Variants in MGAT4C observed in about 807,000 individuals in gnomAD.
MGAT4C encodes MGAT4 family member C.
In MGAT4C, 19 loss-of-function variants were observed where a neutral mutation model predicts 40.1. That is an observed-to-expected ratio of 0.47 (90% confidence interval 0.33 to 0.70). The LOEUF (loss-of-function observed/expected upper bound fraction) is 0.70, where lower values mean the gene tolerates loss of function less well. MGAT4C is among the 30% of genes least tolerant of loss of function. The pLI is 0.02. For missense variants in MGAT4C, 491 were observed against 563.2 expected (o/e 0.87, Z 1.30); for synonymous variants, 181 against 187.1 (o/e 0.97, Z 0.27).
chr12:86,665,650 C>A (rs370405889), intron 2 of MGAT4C, among the ~76,000 whole-genome samples: 2 of 152,090 alleles, frequency 1.3e-5, no homozygotes, highest in Non-Finnish European at 2.9e-5. Flanking sequence ...GGATTACAGG[C>A]GTGAGCCACC....
intron 2 of MGAT4C, among the ~76,000 whole-genome samples, chr12:86,521,740 G>T (rs187031935): frequency 2.6e-5 from 4 of 152,110 alleles, no homozygotes; most frequent in African/African-American, 9.6e-5. Context: ...CATGAGCATG[G>T]AATGTTTTCC....
chr12:86,037,787 C>T (rs1393210926), intron 2 of MGAT4C, among the ~76,000 whole-genome samples: 1 of 149,760 alleles, frequency 6.7e-6, no homozygotes, highest in Admixed American at 6.7e-5. Flanking sequence ...GTGGAGAGTT[C>T]TGTCGATGTA....
chr12:86,244,374 C>T (rs1472829128), intron 1 of MGAT4C, among the ~76,000 whole-genome samples: 1 of 152,144 alleles, frequency 6.6e-6, no homozygotes, highest in Non-Finnish European at 1.5e-5. Context: ...GGTTTCATTG[C>T]CTCCTTCTAA....
chr12:86,578,819 A>G (rs544772380), intron 2 of MGAT4C, among the ~76,000 whole-genome samples: 9 of 150,720 alleles, frequency 6.0e-5, no homozygotes, highest in Non-Finnish European at 1.2e-4. Context: ...TGTTTCATTG[A>G]TCTTTTGTAT....
Position 86,578,266 on chromosome 12 carries a change from A to G in MGAT4C, c.-228-143001T>C, listed in dbSNP as rs58010066. ...CCTCTCTCCCTCCTCTTCCTTTCTC[A>G]GAAGGACATGTGGTGACATCAGAAA... is the stretch of plus-strand genomic sequence containing the variant. On this transcript the variant is annotated intron_variant, in intron 2 of 7. Coordinates refer to the MGAT4C transcript ENST00000548651. 3.0e-3 allele frequency among the ~76,000 whole-genome samples: 451 copies of G among 151,916 alleles called. 2 individuals are homozygous for G. Among genetic ancestry groups the G allele is most frequent in the African/African-American group, 0.01 (430 of 41,494 alleles).
At chr12:86,467,464 G>A (rs1957698058) in intron 2 of MGAT4C, among the ~76,000 whole-genome samples, 1 of 152,110 alleles carries the variant, frequency 6.6e-6, no homozygotes, top group South Asian at 2.1e-4. Flanking sequence ...TATAACCAAT[G>A]TTATAATTGG....
chr12:86,359,035 C>T (rs1955388442), intron 3 of MGAT4C, among the ~76,000 whole-genome samples: 1 of 152,174 alleles, frequency 6.6e-6, no homozygotes, highest in African/African-American at 2.4e-5. Context: ...TTCTTCTCAG[C>T]AGCACATTAC....
At chr12:86,484,833 C>A (rs976741373) in intron 2 of MGAT4C, among the ~76,000 whole-genome samples, 2 of 152,156 alleles carry the variant, frequency 1.3e-5, no homozygotes, top group African/African-American at 4.8e-5. Flanking sequence ...GGCCCAAGAG[C>A]AGGCTTGGTG....
intron 3 of MGAT4C, among the ~76,000 whole-genome samples, chr12:86,391,521 TTGTAATATTTAC>T (rs1348777990): frequency 2.0e-5 from 3 of 152,198 alleles, no homozygotes; most frequent in Non-Finnish European, 2.9e-5. Flanking sequence ...TAAGGTCCAG[TTGTAATATTTAC>T]TGAGCAACTT....
chr12:86,045,077 T>C (rs562141915), intron 2 of MGAT4C, among the ~76,000 whole-genome samples: 13 of 152,008 alleles, frequency 8.6e-5, no homozygotes, highest in Non-Finnish European at 1.8e-4. Flanking sequence ...TGGCCCAGGG[T>C]CTGTGTCCTC....
At chr12:86,033,557 C>T (rs1890955244) in intron 2 of MGAT4C, among the ~76,000 whole-genome samples, 1 of 148,940 alleles carries the variant, frequency 6.7e-6, no homozygotes, top group Non-Finnish European at 1.5e-5. Flanking sequence ...TGGCTCTCAG[C>T]TTGGATGTTC....
At chr12:86,135,646 C>T (rs925764704) in intron 1 of MGAT4C, among the ~76,000 whole-genome samples, 3 of 152,138 alleles carry the variant, frequency 2.0e-5, no homozygotes, top group Non-Finnish European at 1.5e-5. Context: ...CCGCAACAAA[C>T]ACAAAATTAT....
At chr12:86,605,480 T>C (rs1400228485) in intron 2 of MGAT4C, among the ~76,000 whole-genome samples, 1 of 152,160 alleles carries the variant, frequency 6.6e-6, no homozygotes, top group Non-Finnish European at 1.5e-5. Context: ...GATAATTTTC[T>C]GGTAATCAAT....
intron 2 of MGAT4C, among the ~76,000 whole-genome samples, chr12:86,490,342 G>T (rs1488778353): frequency 6.6e-6 from 1 of 151,920 alleles, no homozygotes; most frequent in Non-Finnish European, 1.5e-5. Context: ...AAGTGAAGGA[G>T]AAATAAAATA....
At chr12:86,197,667 T>G (rs1319028549) in intron 1 of MGAT4C, among the ~76,000 whole-genome samples, 2 of 152,160 alleles carry the variant, frequency 1.3e-5, no homozygotes, top group East Asian at 1.9e-4. Flanking sequence ...CTATGAAACG[T>G]TGTTATAGCA....
At chr12:86,810,511 T>C (rs1387550199) in intron 1 of MGAT4C, among the ~76,000 whole-genome samples, 3 of 151,964 alleles carry the variant, frequency 2.0e-5, no homozygotes, top group Admixed American at 6.6e-5. Context: ...TTCCCTTGTA[T>C]TTCTAACTTT....
chr12:86,429,523 C>A (rs1437555879), intron 3 of MGAT4C, among the ~76,000 whole-genome samples: 2 of 152,050 alleles, frequency 1.3e-5, no homozygotes, highest in African/African-American at 4.8e-5. Flanking sequence ...TACTGATTTT[C>A]CATCTGGGTG....
At chr12:86,543,972 G>T (rs1396819551) in intron 2 of MGAT4C, among the ~76,000 whole-genome samples, 1 of 152,010 alleles carries the variant, frequency 6.6e-6, no homozygotes, top group African/African-American at 2.4e-5. Context: ...CCTCATCAGG[G>T]GGGCTCAGGC....
chr12:86,612,237 C>A (rs1298918999), intron 2 of MGAT4C, among the ~76,000 whole-genome samples: 1 of 151,962 alleles, frequency 6.6e-6, no homozygotes, highest in Non-Finnish European at 1.5e-5. Context: ...ATAATATTTT[C>A]TATATGTGAA....
Sources: gnomAD v4.1 joint callset for allele counts (sites outside exome capture counted in the v4.1 genomes callset) on GRCh38, gnomAD v4.1.1 for gene constraint, MANE v1.5 for transcripts, NCBI Gene and HGNC (gene_info 2026-07-23, HGNC 2026-07-21) for gene names.